The following ARHGAP15 variants were observed in gnomAD, a reference collection of about 807,000 sequenced individuals.
ARHGAP15 encodes rho GTPase-activating protein 15.
In ARHGAP15, 51 loss-of-function variants were observed where a neutral mutation model predicts 63.7. The observed-to-expected ratio is 0.80, with a 90% confidence interval of 0.64 to 1.01. The LOEUF is 1.01. Among genes scored for constraint, ARHGAP15 ranks in the 50% least tolerant of loss-of-function variants. The probability of loss-of-function intolerance (pLI) is 0.00; values close to 1 mark genes in which losing one functional copy is unlikely to be tolerated. For synonymous variants in ARHGAP15, 191 were observed against 193.8 expected (o/e 0.99, Z 0.12); for missense variants, 560 against 564.6 (o/e 0.99, Z 0.08).
intron 6 of ARHGAP15, among the ~76,000 whole-genome samples, chr2:143,349,624 C>G (rs899357899): frequency 3.3e-5 from 5 of 152,138 alleles, no homozygotes; most frequent in African/African-American, 1.2e-4. Flanking sequence ...ATGTAAATCT[C>G]TTAATGTATA....
chr2:143,766,111 A>G (rs1686938877), intron 13 of ARHGAP15, among the ~76,000 whole-genome samples: 1 of 152,138 alleles, frequency 6.6e-6, no homozygotes, highest in Non-Finnish European at 1.5e-5. Flanking sequence ...TTGGTCACAA[A>G]AGTGGTTCTT....
At chr2:143,596,725 A>G (rs916475239) in intron 11 of ARHGAP15, among the ~76,000 whole-genome samples, 5 of 152,110 alleles carry the variant, frequency 3.3e-5, no homozygotes, top group Middle Eastern at 3.2e-3. Context: ...AGAATAGTCT[A>G]TGTTAATCTT....
intron 12 of ARHGAP15, among the ~76,000 whole-genome samples, chr2:143,664,232 G>GCAAT (rs1682017743): frequency 6.6e-6 from 1 of 152,134 alleles, no homozygotes; most frequent in East Asian, 1.9e-4. Context: ...AGACCACAGT[G>GCAAT]CAATCAAACT....
At chr2:143,344,860 C>T (rs1685202492) in intron 6 of ARHGAP15, among the ~76,000 whole-genome samples, 1 of 152,086 alleles carries the variant, frequency 6.6e-6, no homozygotes, top group Non-Finnish European at 1.5e-5. Flanking sequence ...AGGAATATCA[C>T]ATAGTCAAAA....
intron 12 of ARHGAP15, among the ~76,000 whole-genome samples, chr2:143,685,290 T>C (rs983823704): frequency 6.6e-6 from 1 of 152,208 alleles, no homozygotes; most frequent in Non-Finnish European, 1.5e-5. Context: ...GTGATTACAG[T>C]GCAGAAGCAC....
intron 6 of ARHGAP15, among the ~76,000 whole-genome samples, chr2:143,379,039 G>A (rs552752045): frequency 6.6e-6 from 1 of 151,564 alleles, no homozygotes; most frequent in African/African-American, 2.4e-5. Flanking sequence ...AGTTTTAAAT[G>A]GGAATTTCAA....
At chr2:143,175,104 A>G (rs746617551) in intron 2 of ARHGAP15, among the ~76,000 whole-genome samples, 1 of 152,152 alleles carries the variant, frequency 6.6e-6, no homozygotes, top group Non-Finnish European at 1.5e-5. Context: ...ATGCATACAT[A>G]GAAAGAAAAC....
chr2:143,535,873 ATT>A (rs1694731154), intron 10 of ARHGAP15, among the ~76,000 whole-genome samples: 1 of 152,242 alleles, frequency 6.6e-6, no homozygotes, highest in Non-Finnish European at 1.5e-5. Context: ...GGAGTTAGAT[ATT>A]TCATAAATGT....
chr2:143,242,270 G>T (rs949705893), intron 5 of ARHGAP15, among the ~76,000 whole-genome samples: 1 of 152,224 alleles, frequency 6.6e-6, no homozygotes, highest in African/African-American at 2.4e-5. Flanking sequence ...TTCTCAAGAG[G>T]TGGACTGCAT....
chr2:143,165,011 G>A (rs528393968), intron 2 of ARHGAP15, among the ~76,000 whole-genome samples: 6 of 152,052 alleles, frequency 3.9e-5, no homozygotes, highest in East Asian at 3.9e-4. Context: ...AAAATCAAAC[G>A]GAAATAAATC....
Position 143,279,183 on chromosome 2 carries a change from G to A in ARHGAP15, c.474+28583G>A, listed in dbSNP as rs551214237. Among the ~76,000 whole-genome samples the A allele has an allele frequency of 1.4e-4, 22 of 152,148 alleles. 1 individual carries two copies. In the South Asian group the frequency reaches 2.1e-3, roughly 14 times the overall value. ...TATTATTTCTAGGGAAGAATGAAGCGGTATCTCTTTTATGGACTGTCCACA... is the reference window on the plus strand; with the variant it reads ...TATTATTTCTAGGGAAGAATGAAGCAGTATCTCTTTTATGGACTGTCCACA... On this transcript the variant is annotated intron_variant, in intron 6 of 13. Transcript: ENST00000295095.
chr2:143,686,735 C>T (rs567071552), intron 12 of ARHGAP15, among the ~76,000 whole-genome samples: 2 of 152,302 alleles, frequency 1.3e-5, no homozygotes, highest in Admixed American at 1.3e-4. Context: ...TCCGAAGACA[C>T]TTCTAAGATT....
chr2:143,613,234 G>T (rs1421675591), intron 11 of ARHGAP15, among the ~76,000 whole-genome samples: 2 of 152,076 alleles, frequency 1.3e-5, no homozygotes, highest in Non-Finnish European at 2.9e-5. Flanking sequence ...TAAAAATGAG[G>T]TCAATTATTA....
intron 9 of ARHGAP15, among the ~76,000 whole-genome samples, chr2:143,489,982 T>G (rs936308148): frequency 1.3e-5 from 2 of 152,180 alleles, no homozygotes; most frequent in African/African-American, 4.8e-5. Context: ...ATGTCAGTTT[T>G]CTTTTTCTTT....
chr2:143,703,551 T>C, intron 13 of ARHGAP15, 27 bp downstream of exon 13: 1 of 1,543,412 alleles, frequency 6.5e-7, no homozygotes, highest in African/African-American at 1.4e-5. Flanking sequence ...TCTGGATGTG[T>C]CATTTTATAG....
chr2:143,745,175 C>A (rs1333613394), intron 13 of ARHGAP15, among the ~76,000 whole-genome samples: 2 of 152,190 alleles, frequency 1.3e-5, no homozygotes, highest in African/African-American at 4.8e-5. Context: ...CCAGGAATAC[C>A]TTTTGTTGCT....
intron 12 of ARHGAP15, chr2:143,641,248 G>A (rs1181318454): frequency 1.3e-5 from 2 of 151,760 alleles, no homozygotes; most frequent in Non-Finnish European, 2.9e-5. Flanking sequence ...AACTGGTGCT[G>A]AGAAGTTAAA....
chr2:143,250,377 G>T, intron 5 of ARHGAP15, 134 bp from the exon 6 acceptor site: 1 of 522,762 alleles, frequency 1.9e-6, no homozygotes, highest in South Asian at 4.7e-5. Flanking sequence ...TACAAATTAG[G>T]TTTCCCCTGG....
chr2:143,429,021 C>T (rs1358488390), intron 6 of ARHGAP15, among the ~76,000 whole-genome samples: 1 of 151,954 alleles, frequency 6.6e-6, no homozygotes, highest in Non-Finnish European at 1.5e-5. Context: ...CTTTATACAC[C>T]AACTGCTTTG....
Sources: allele counts gnomAD v4.1 joint callset (sites outside exome capture counted in the v4.1 genomes callset), GRCh38; gene constraint gnomAD v4.1.1; transcripts MANE v1.5; gene names NCBI Gene and HGNC (gene_info 2026-07-23, HGNC 2026-07-21).